Variants in RPTOR observed in about 807,000 individuals in gnomAD.
The protein encoded by RPTOR is regulatory associated protein of MTOR complex 1, also known as regulatory-associated protein of mTOR.
RPTOR carries 21 observed loss-of-function variants against 169.9 expected under a neutral mutation model. The observed-to-expected ratio is 0.12, with a 90% confidence interval of 0.09 to 0.18. The LOEUF (loss-of-function observed/expected upper bound fraction) is 0.18. RPTOR is among the 10% of genes least tolerant of loss of function. The probability of loss-of-function intolerance (pLI) is 1.00; values close to 1 mark genes in which losing one functional copy is unlikely to be tolerated. For synonymous variants in RPTOR, 732 were observed against 753.2 expected, an observed-to-expected ratio of 0.97 and a Z score of 0.46; for missense variants, 1,133 against 1,855.9, an observed-to-expected ratio of 0.61 and a Z score of 7.16.
rs201966839 is a variant in RPTOR, at chr17:80,575,390, AG to A, written c.162+29600del. On this transcript the variant is annotated intron_variant, in intron 1 of 33. Coordinates refer to ENST00000306801, the MANE Select transcript of RPTOR (RefSeq NM_020761.3). ...TAAAAGTGTTGTAATTTTTAAACATAGAAGACTTTTTCTAGGATTTATTTTT... is the reference window on the plus strand; with the variant it reads ...TAAAAGTGTTGTAATTTTTAAACATAAAGACTTTTTCTAGGATTTATTTTT... Among the ~76,000 whole-genome samples the A allele has an allele frequency of 8.6e-3, 1,308 of 152,390 alleles. 23 individuals carry two copies. The highest frequency in any genetic ancestry group is 0.029 in the African/African-American group (1,210 of 41,596).
At chr17:80,706,338 T>TGA (rs2066141813) in intron 3 of RPTOR, among the ~76,000 whole-genome samples, 1 of 152,110 alleles carries the variant, frequency 6.6e-6, no homozygotes, top group South Asian at 2.1e-4. Context: ...TGAAAAGTAC[T>TGA]TTGCAGGAAA....
chr17:80,634,357 C>CTG (rs762949748), intron 2 of RPTOR, among the ~76,000 whole-genome samples: 1,367 of 58,288 alleles, frequency 0.023, 40 homozygotes, highest in Non-Finnish European at 0.029. Context: ...CATGTGCGTA[C>CTG]TGTGTGTGCA....
chr17:80,964,397 G>C lies in RPTOR; in HGVS notation c.*67G>C. ...CATAGTGAAGCTGTCACTCGCCGGG[G>C]CACGGGGCGTCGGCTGCTGCGGCCC... is the stretch of plus-strand genomic sequence containing the variant. On this transcript the variant is annotated 3_prime_UTR_variant, in exon 34 of 34. Coordinates refer to ENST00000306801, the MANE Select transcript of RPTOR (RefSeq NM_020761.3). 6.5e-7 allele frequency: 1 copy of C among 1,530,228 alleles called. No homozygotes were observed. The highest frequency in any genetic ancestry group is 8.9e-7 in the Non-Finnish European group (1 of 1,118,174). 94.8% of individuals were successfully genotyped at this position (1,530,228 alleles called of 1,614,324 possible). A position where few individuals can be genotyped will look rare whatever the true frequency, so the allele number is the denominator to read the frequency against.
Position 80,707,323 on chromosome 17 carries a change from C to CT in RPTOR, c.349-517dup, listed in dbSNP as rs2066149394. Among the ~76,000 whole-genome samples, 1 of 152,184 alleles carries CT rather than the reference C, an allele frequency of 6.6e-6. No homozygotes were observed. The highest frequency in any genetic ancestry group is 1.5e-5 in the Non-Finnish European group (1 of 68,048). On this transcript the variant is annotated intron_variant, in intron 3 of 33. Transcript: ENST00000306801. This position sits in a 1 kb window ranked among gnomAD's most constrained non-coding sequence, Gnocchi z 5.0. ...CATGTGACAGGCATTACTTGTTTAT[C>CT]TCATTGTTGTTCCTAGTAGTTCTCA...
intron 6 of RPTOR, among the ~76,000 whole-genome samples, chr17:80,762,261 C>T (rs2066743802): frequency 6.6e-6 from 1 of 152,360 alleles, no homozygotes; most frequent in South Asian, 2.1e-4. Context: ...GAACCCCGTC[C>T]TCGGGTGCTG....
intron 4 of RPTOR, among the ~76,000 whole-genome samples, chr17:80,709,427 C>G (rs1411322902): frequency 6.6e-6 from 1 of 152,168 alleles, no homozygotes; most frequent in Non-Finnish European, 1.5e-5. Flanking sequence ...CTCTCAGGCA[C>G]GGCGAATCCG....
At chr17:80,810,117 GT>G in intron 7 of RPTOR, among the ~76,000 whole-genome samples, 1 of 151,630 alleles carries the variant, frequency 6.6e-6, no homozygotes, top group Non-Finnish European at 1.5e-5. Context: ...AAGAACAGAA[GT>G]TTTTCATTTT....
Position 80,744,865 on chromosome 17 carries a change from T to C in RPTOR, c.655-9145T>C, listed in dbSNP as rs868660943. Among the ~76,000 whole-genome samples the C allele has an allele frequency of 6.1e-4, 31 of 50,468 alleles. 2 individuals carry two copies. The highest frequency in any genetic ancestry group is 3.2e-3 in the South Asian group (4 of 1,256). 33.1% of individuals were successfully genotyped at this position (50,468 alleles called of 152,430 possible). A position where few individuals can be genotyped will look rare whatever the true frequency, so the allele number is the denominator to read the frequency against. On this transcript the variant is annotated intron_variant, in intron 5 of 33. Coordinates refer to ENST00000306801, the MANE Select transcript of RPTOR (RefSeq NM_020761.3). ...AGCACTGTCCTGGCTACTAGCACTG[T>C]CCTGGTTACGAGCACAGCCCTGGCT... is the stretch of plus-strand genomic sequence containing the variant.
chr17:80,575,539 TG>T (rs1208985346), intron 1 of RPTOR, among the ~76,000 whole-genome samples: 1 of 152,208 alleles, frequency 6.6e-6, no homozygotes, highest in African/African-American at 2.4e-5. Context: ...CCTCGTGTTG[TG>T]GATGGTGTAG....
chr17:80,898,856 G>T (rs2068440816), intron 20 of RPTOR, among the ~76,000 whole-genome samples: 1 of 151,836 alleles, frequency 6.6e-6, no homozygotes, highest in African/African-American at 2.4e-5. Context: ...GGGGATGGCG[G>T]TCCAGCCACA....
intron 3 of RPTOR, among the ~76,000 whole-genome samples, chr17:80,697,835 G>A (rs1220331781): frequency 6.6e-6 from 1 of 152,316 alleles, no homozygotes; most frequent in East Asian, 1.9e-4. Context: ...AGAATGGGGG[G>A]ACTTGGAGAG....
intron 1 of RPTOR, among the ~76,000 whole-genome samples, chr17:80,599,805 T>G (rs2065172191): frequency 6.6e-6 from 1 of 151,792 alleles, no homozygotes; most frequent in South Asian, 2.1e-4. Flanking sequence ...CCTTGTTAGG[T>G]GGTGGTGGGA....
intron 6 of RPTOR, among the ~76,000 whole-genome samples, chr17:80,787,330 C>G: frequency 6.6e-6 from 1 of 152,094 alleles, no homozygotes; most frequent in Admixed American, 6.5e-5. Flanking sequence ...GCTAGAGTAC[C>G]CCCGTCTAAC....
At chr17:80,667,549 A>G (rs1363527515) in intron 3 of RPTOR, among the ~76,000 whole-genome samples, 1 of 152,238 alleles carries the variant, frequency 6.6e-6, no homozygotes, top group African/African-American at 2.4e-5. Flanking sequence ...CAGAGTTAAT[A>G]AAGTTGCATA....
At chr17:80,815,984 G>T (rs140629155) in intron 7 of RPTOR, among the ~76,000 whole-genome samples, 6 of 151,776 alleles carry the variant, frequency 4.0e-5, no homozygotes, top group African/African-American at 1.2e-4. Context: ...TCCACGGAGC[G>T]ATTCTCGAGA....
chr17:80,841,048 G>A lies in RPTOR; in HGVS notation c.1212+3051G>A, dbSNP rs1471474089. ...CTCTGCACCGCAGCTCACACTCACC[G>A]CACGGCAGCTCACATTCACCACACG... On this transcript the variant is annotated intron_variant, in intron 10 of 33. Coordinates refer to ENST00000306801, the MANE Select transcript of RPTOR (RefSeq NM_020761.3). 7.2e-4 allele frequency among the ~76,000 whole-genome samples: 7 copies of A among 9,778 alleles called. 1 individual carries two copies. Among genetic ancestry groups the A allele is most frequent in the Non-Finnish European group, 7.5e-4 (5 of 6,640 alleles). 6.4% of individuals were successfully genotyped at this position (9,778 alleles called of 152,430 possible).
In RPTOR at chr17:80,633,075, G is replaced by A. The variant is rs1018325184; in HGVS notation, c.265+7282G>A. Among the ~76,000 whole-genome samples the A allele has an allele frequency of 3.3e-5, 5 of 152,130 alleles. No homozygotes were observed. The highest frequency in any genetic ancestry group is 9.7e-5 in the African/African-American group (4 of 41,404). On this transcript the variant is annotated intron_variant, in intron 2 of 33. Transcript: ENST00000306801. The surrounding 1 kb of genome is among the most constrained non-coding windows in gnomAD (Gnocchi z 4.1). The stretch of plus-strand genomic sequence containing the variant: ...GGCCTCTTAAAGTGTTGAAATGACC[G>A]GCATGAGCTACCACACTAGGCCCAT...
intron 1 of RPTOR, among the ~76,000 whole-genome samples, chr17:80,615,010 G>A (rs189151795): frequency 2.0e-5 from 3 of 152,264 alleles, no homozygotes; most frequent in Admixed American, 2.0e-4. Flanking sequence ...CATGGGGAGA[G>A]TTCTGACGTT....
rs1024414423 is a variant in RPTOR, at chr17:80,959,952, C to A, written c.3478-126C>A. On this transcript the variant is annotated intron_variant, in intron 29 of 33. Transcript: ENST00000306801. This position sits in a 1 kb window ranked among gnomAD's most constrained non-coding sequence, Gnocchi z 6.7. ...TGCTTCCCTGGATAGAGAGAAAGGC[C>A]CCTGCAGCCAGGGAGGGTGATCCCC... 1.7e-6 allele frequency: 2 copies of A among 1,169,366 alleles called. No individual in the cohort carries two copies. Among genetic ancestry groups the A allele is most frequent in the Non-Finnish European group, 2.4e-6 (2 of 817,494 alleles). The allele number at this position is 1,169,366 out of a possible 1,614,324, so 72.4% of individuals were successfully genotyped here.
Sources: gnomAD v4.1 joint callset for allele counts (sites outside exome capture counted in the v4.1 genomes callset) on GRCh38, gnomAD v4.1.1 for gene constraint, Gnocchi (gnomAD v3.1) non-coding constraint, MANE v1.5 for transcripts, NCBI Gene and HGNC (gene_info 2026-07-23, HGNC 2026-07-21) for gene names.